The following ABTB2 variants were observed in gnomAD, a reference collection of about 807,000 sequenced individuals.
ABTB2 encodes the protein ankyrin repeat and BTB domain containing 2, also known as ankyrin repeat and BTB/POZ domain-containing protein 2.
In ABTB2, 56 loss-of-function variants were observed where a neutral mutation model predicts 104.1. The observed-to-expected ratio is 0.54, with a 90% CI of 0.43 to 0.67. ABTB2 has a LOEUF of 0.67. ABTB2 is among the 30% of genes least tolerant of loss of function. ABTB2 has a pLI of 0.00. For missense variants in ABTB2, 1,279 were observed against 1,407.7 expected, an observed-to-expected ratio of 0.91 and a Z score of 1.46; for synonymous variants, 606 against 608.2, an observed-to-expected ratio of 1.00 and a Z score of 0.05.
At chr11:34,213,434 C>G (rs370614722) in intron 1 of ABTB2, among the ~76,000 whole-genome samples, 38 of 152,248 alleles carry the variant, frequency 2.5e-4, no homozygotes, top group Non-Finnish European at 2.5e-4. Context: ...GAGCCGAGAT[C>G]GCTGCCACTG....
chr11:34,347,995 G>C (rs916159726), intron 1 of ABTB2, among the ~76,000 whole-genome samples: 1 of 152,190 alleles, frequency 6.6e-6, no homozygotes, highest in Non-Finnish European at 1.5e-5. Context: ...ACATTTGCCA[G>C]TCTTGACCTT....
chr11:34,176,357 T>C (rs935813699), intron 3 of ABTB2, among the ~76,000 whole-genome samples: 8 of 147,236 alleles, frequency 5.4e-5, no homozygotes, highest in Non-Finnish European at 1.5e-5. Context: ...TTTACAGCAA[T>C]AGCCATGAAT....
chr11:34,330,061 A>G (rs183373474), intron 1 of ABTB2, among the ~76,000 whole-genome samples: 49 of 152,314 alleles, frequency 3.2e-4, no homozygotes, highest in Middle Eastern at 6.8e-3. Context: ...CTTGGGGAAT[A>G]CTGCTTAGAT....
intron 3 of ABTB2, among the ~76,000 whole-genome samples, chr11:34,194,316 C>T (rs1325755502): frequency 6.6e-6 from 1 of 152,200 alleles, no homozygotes; most frequent in Admixed American, 6.5e-5. Flanking sequence ...CAACCACGGT[C>T]ACATTGAAAT....
intron 1 of ABTB2, among the ~76,000 whole-genome samples, chr11:34,218,780 AG>A (rs1198466888): frequency 7.9e-6 from 1 of 126,692 alleles, no homozygotes; most frequent in Non-Finnish European, 1.6e-5. Flanking sequence ...CAGGAGGTGG[AG>A]GTTGCTGTGA....
intron 6 of ABTB2, 41 bp from the exon 7 acceptor site, chr11:34,167,401 G>A (rs530766493): frequency 1.7e-5 from 26 of 1,517,356 alleles, no homozygotes; most frequent in African/African-American, 4.1e-5. Flanking sequence ...CTGGGCACCC[G>A]AGCGAAGGGA....
In ABTB2 at chr11:34,194,737, A is replaced by C. The variant is rs543438049; in HGVS notation, c.1244+2588T>G. Among the ~76,000 whole-genome samples, 529 of 149,214 alleles carry C rather than the reference A, an allele frequency of 3.5e-3. 2 individuals carry two copies. Among genetic ancestry groups the C allele is most frequent in the Non-Finnish European group, 6.5e-3 (442 of 67,598 alleles). On this transcript the variant is annotated intron_variant, in intron 3 of 16. Transcript: ENST00000435224. Reference sequence around the variant, plus strand: ...GCTGTTGGCTCCCTCAGGTATTTTTAGGGTTGTCCTCCTTTCTGTGTCATA... The same window carrying C: ...GCTGTTGGCTCCCTCAGGTATTTTTCGGGTTGTCCTCCTTTCTGTGTCATA...
chr11:34,307,845 C>T (rs1240518952), intron 1 of ABTB2, among the ~76,000 whole-genome samples: 9 of 152,282 alleles, frequency 5.9e-5, no homozygotes, highest in Middle Eastern at 3.4e-3. Flanking sequence ...ATCACAGGCA[C>T]GCGCCACCAT....
Position 34,173,206 on chromosome 11 carries a change from T to C in ABTB2, c.1346A>G (p.Gln449Arg). 7 of 1,613,772 alleles carry C rather than the reference T, an allele frequency of 4.3e-6. No homozygotes were observed. Among genetic ancestry groups the C allele is most frequent in the Non-Finnish European group, 5.9e-6 (7 of 1,179,942 alleles). Residue 449 changes from glutamine to arginine, a missense_variant, in exon 4 of 17, where the codon CAG (glutamine) becomes CGG (arginine). Transcript: ENST00000435224. ...SLTVDSGDIR[Q>R]AARLLLPGLD... ...ACCAGGCAGCAGCAGCCGGGCTGCC[T>C]GCCGGATGTCGCCGCTGTCCACGGT...
intron 1 of ABTB2, among the ~76,000 whole-genome samples, chr11:34,353,416 C>A (rs571451878): frequency 1.3e-5 from 2 of 152,008 alleles, no homozygotes; most frequent in Admixed American, 6.6e-5. Context: ...TGAGTGGATG[C>A]GAAAAGTTTC....
intron 4 of ABTB2, among the ~76,000 whole-genome samples, chr11:34,172,371 CAAAAAAAAA>C (rs1230787869): frequency 8.1e-5 from 5 of 61,694 alleles, no homozygotes; most frequent in African/African-American, 3.3e-4. Flanking sequence ...AACTCTGTCT[CAAAAAAAAA>C]AAAAAAAAAA....
intron 3 of ABTB2, among the ~76,000 whole-genome samples, chr11:34,177,345 G>T (rs916686098): frequency 6.6e-6 from 1 of 152,180 alleles, no homozygotes; most frequent in African/African-American, 2.4e-5. Flanking sequence ...GGTATACACT[G>T]GGCTCATTCA....
intron 3 of ABTB2, 139 bp downstream of exon 3, chr11:34,197,186 C>A: frequency 1.1e-6 from 1 of 946,766 alleles, no homozygotes. Flanking sequence ...AATTCCTGGG[C>A]CACCTCCTCA....
rs1852594738 is a variant in ABTB2, at chr11:34,154,625, C to T, written c.2766+76G>A. 8 of 1,463,368 alleles carry T rather than the reference C, an allele frequency of 5.5e-6. No individual in the cohort carries two copies. In the East Asian group the frequency reaches 1.6e-4, roughly 29 times the overall value. 90.6% of individuals were successfully genotyped at this position (1,463,368 alleles called of 1,614,324 possible). ...AGATGGAGAGGAAGAGCCACCTTCCCTCTGAAGGGGGTGAATGGGAGACCG... is the reference window on the plus strand; with the variant it reads ...AGATGGAGAGGAAGAGCCACCTTCCTTCTGAAGGGGGTGAATGGGAGACCG... On this transcript the variant is annotated intron_variant, in intron 15 of 16. Transcript: ENST00000435224. The surrounding 1 kb of genome is among the most constrained non-coding windows in gnomAD (Gnocchi z 4.9).
intron 14 of ABTB2, among the ~76,000 whole-genome samples, chr11:34,158,491 T>C (rs1051959348): frequency 3.9e-5 from 6 of 152,188 alleles, no homozygotes; most frequent in Non-Finnish European, 8.8e-5. Context: ...TCTCCTATTA[T>C]ATCACAAACC....
intron 1 of ABTB2, among the ~76,000 whole-genome samples, chr11:34,242,841 C>T (rs1333741799): frequency 6.6e-6 from 1 of 152,160 alleles, no homozygotes; most frequent in Non-Finnish European, 1.5e-5. Flanking sequence ...CAGTCCTTGT[C>T]TTCATTTTCC....
At position 34,197,528 on chromosome 11, in the gene ABTB2, G is replaced by C; in HGVS notation, c.1041C>G (p.Val347=). The C allele has an allele frequency of 6.3e-7, 1 of 1,578,402 alleles. No individual in the cohort carries two copies. The highest frequency in any genetic ancestry group is 8.6e-7 in the Non-Finnish European group (1 of 1,168,962). Residue 347 remains valine, a synonymous_variant, in exon 3 of 17, where the codon GTC becomes GTG. Coordinates refer to ENST00000435224, the MANE Select transcript of ABTB2 (RefSeq NM_145804.3). ...CCTGCATGTGGTGCATGGCACGGGA[G>C]ACCAAGTCACCTGGTGGGGGGCGGG... ...VGSISELSDL[V]SRAMHHMQGR...
intron 1 of ABTB2, among the ~76,000 whole-genome samples, chr11:34,295,065 T>TC (rs978613957): frequency 6.6e-6 from 1 of 152,112 alleles, no homozygotes; most frequent in Non-Finnish European, 1.5e-5. Context: ...AAGCCTGTAG[T>TC]CCCAGCTACT....
At chr11:34,176,632 A>C (rs1025193944) in intron 3 of ABTB2, among the ~76,000 whole-genome samples, 3 of 152,256 alleles carry the variant, frequency 2.0e-5, no homozygotes, top group African/African-American at 7.2e-5. Context: ...ACAAAGAGAG[A>C]CCGTGTCTCA....
Sources: allele counts gnomAD v4.1 joint callset (sites outside exome capture counted in the v4.1 genomes callset), GRCh38; gene constraint gnomAD v4.1.1; non-coding constraint Gnocchi (gnomAD v3.1); transcripts MANE v1.5; gene names NCBI Gene and HGNC (gene_info 2026-07-23, HGNC 2026-07-21).